EYA2: variants seen among roughly 807,000 people sequenced by gnomAD.
The protein encoded by EYA2 is protein phosphatase EYA2.
In EYA2, 31 loss-of-function variants were observed where a neutral mutation model predicts 69.2. That is an observed-to-expected ratio of 0.45 (90% CI 0.34 to 0.60). EYA2 has a LOEUF of 0.60. Ranked by LOEUF, EYA2 falls within the 20% of genes least tolerant of loss-of-function variation. EYA2 has a pLI of 0.02. For missense variants in EYA2, 622 were observed against 701.2 expected, an observed-to-expected ratio of 0.89 and a Z score of 1.28; for synonymous variants, 257 against 279.4, an observed-to-expected ratio of 0.92 and a Z score of 0.80.
intron 1 of EYA2, among the ~76,000 whole-genome samples, chr20:46,953,377 A>C (rs766837918): frequency 1.1e-4 from 17 of 152,188 alleles, no homozygotes; most frequent in Non-Finnish European, 2.2e-4. Context: ...GTTAGAACAA[A>C]ATCTTGGGGA....
chr20:46,920,253 T>C (rs777784250), intron 1 of EYA2, among the ~76,000 whole-genome samples: 60 of 151,112 alleles, frequency 4.0e-4, no homozygotes, highest in Non-Finnish European at 7.7e-4. Flanking sequence ...AAACAGTATC[T>C]GCAAAGTACA....
chr20:47,049,506 C>G (rs961313064), intron 5 of EYA2, among the ~76,000 whole-genome samples: 1 of 152,154 alleles, frequency 6.6e-6, no homozygotes, highest in Non-Finnish European at 1.5e-5. Context: ...AATGAGTTCT[C>G]TCTGTTAATT....
At chr20:46,917,424 C>T (rs187428648) in intron 1 of EYA2, among the ~76,000 whole-genome samples, 5 of 152,320 alleles carry the variant, frequency 3.3e-5, no homozygotes, top group East Asian at 1.9e-4. Flanking sequence ...AAGATTTGAA[C>T]GCATGACTCT....
At chr20:47,035,980 C>T (rs1351692124) in intron 5 of EYA2, among the ~76,000 whole-genome samples, 4 of 152,134 alleles carry the variant, frequency 2.6e-5, no homozygotes, top group Non-Finnish European at 4.4e-5. Context: ...CACTGCACTC[C>T]AGCCTGGGTG....
At chr20:47,110,321 A>C (rs1474552508) in intron 9 of EYA2, among the ~76,000 whole-genome samples, 1 of 152,154 alleles carries the variant, frequency 6.6e-6, no homozygotes, top group Non-Finnish European at 1.5e-5. Context: ...GGCTCACTGC[A>C]GCCTCAACTT....
intron 2 of EYA2, among the ~76,000 whole-genome samples, chr20:46,995,025 G>A (rs1306153367): frequency 2.0e-5 from 3 of 151,728 alleles, no homozygotes; most frequent in Non-Finnish European, 4.4e-5. Context: ...CTCAGCCTCC[G>A]GAGTAGCTGG....
chr20:47,018,668 G>T (rs1272080450), intron 5 of EYA2, among the ~76,000 whole-genome samples: 1 of 152,190 alleles, frequency 6.6e-6, no homozygotes, highest in Admixed American at 6.5e-5. Context: ...CAGTGTTCAA[G>T]GACTCCAGAG....
intron 5 of EYA2, among the ~76,000 whole-genome samples, chr20:47,023,379 G>A (rs1439121459): frequency 6.6e-6 from 1 of 152,136 alleles, no homozygotes; most frequent in East Asian, 1.9e-4. Flanking sequence ...TACGTGCCTT[G>A]ATGTAGTTTT....
rs144069617 is a variant in EYA2 at position 46,970,063 on chromosome 20, A to G, written c.-10-19938A>G. Among the ~76,000 whole-genome samples the G allele has an allele frequency of 1.1e-3, 160 of 152,344 alleles. 1 individual carries two copies. The highest frequency in any genetic ancestry group is 3.7e-3 in the African/African-American group (153 of 41,572). ...GTCGGATCTTCTGACCTGAGGCATA[A>G]TATTAAAACATAGATCAACTCAAAG... On this transcript the variant is annotated intron_variant, in intron 1 of 15. Coordinates refer to ENST00000327619, the MANE Select transcript of EYA2 (RefSeq NM_005244.5).
At chr20:47,156,033 CATACACACACACACACACATATAT>C (rs1568813751) in intron 10 of EYA2, among the ~76,000 whole-genome samples, 1 of 111,124 alleles carries the variant, frequency 9.0e-6, no homozygotes, top group Non-Finnish European at 1.7e-5. Flanking sequence ...TATATATATA[CATACACACACACACACACATATAT>C]ATACATACAC....
intron 8 of EYA2, among the ~76,000 whole-genome samples, chr20:47,090,229 CTT>C (rs60732138): frequency 8.0e-4 from 98 of 122,014 alleles, no homozygotes; most frequent in African/African-American, 2.6e-3. Flanking sequence ...ATGCTCCAAT[CTT>C]TTTTTTTTTT....
intron 2 of EYA2, among the ~76,000 whole-genome samples, chr20:46,992,379 G>C (rs971070633): frequency 8.5e-5 from 13 of 152,158 alleles, no homozygotes; most frequent in African/African-American, 3.1e-4. Flanking sequence ...TCTGACTTCA[G>C]AGTTTATTCT....
In EYA2 at chr20:47,156,947, A is replaced by C. The variant is rs2146625097; in HGVS notation, c.979-12192A>C. ...GCAGCCAAAGACAAAAAGTAATGGA[A>C]TCAAACCACAGCAGGAGAGTTTGAG... is the stretch of plus-strand genomic sequence containing the variant. On this transcript the variant is annotated intron_variant, in intron 10 of 15. Transcript: ENST00000327619. Among the ~76,000 whole-genome samples, 4 of 152,090 alleles carry C rather than the reference A, an allele frequency of 2.6e-5. No homozygotes were observed. The South Asian group carries it at 8.4e-4, about 32-fold the overall frequency.
At chr20:46,921,951 A>G (rs1391625967) in intron 1 of EYA2, among the ~76,000 whole-genome samples, 1 of 152,228 alleles carries the variant, frequency 6.6e-6, no homozygotes, top group Non-Finnish European at 1.5e-5. Flanking sequence ...TGATCACAGT[A>G]AAACTCCCTT....
chr20:47,102,839 A>C (rs1292046091), intron 9 of EYA2, among the ~76,000 whole-genome samples: 1 of 152,100 alleles, frequency 6.6e-6, no homozygotes, highest in Non-Finnish European at 1.5e-5. Flanking sequence ...CCTCTTTCCT[A>C]ACCCCTCCCT....
chr20:47,174,280 C>T (rs537133541), intron 12 of EYA2, among the ~76,000 whole-genome samples: 1 of 152,358 alleles, frequency 6.6e-6, no homozygotes, highest in South Asian at 2.1e-4. Context: ...CTTCCAGTCG[C>T]AGCTCTACAA....
chr20:47,013,388 T>G (rs1245241461), intron 4 of EYA2, among the ~76,000 whole-genome samples: 1 of 152,232 alleles, frequency 6.6e-6, no homozygotes, highest in East Asian at 1.9e-4. Context: ...GCAAAGGCTT[T>G]GAGTCCAAAG....
intron 5 of EYA2, among the ~76,000 whole-genome samples, chr20:47,018,234 G>A (rs552000083): frequency 2.0e-5 from 3 of 152,260 alleles, no homozygotes; most frequent in African/African-American, 2.4e-5. Flanking sequence ...CCCGGTCCCC[G>A]TATCCCATTT....
At chr20:46,927,156 G>C (rs747315953) in intron 1 of EYA2, among the ~76,000 whole-genome samples, 1 of 152,198 alleles carries the variant, frequency 6.6e-6, no homozygotes, top group Non-Finnish European at 1.5e-5. Context: ...ACATAGGAAG[G>C]TCTGAAATTC....
Sources: gnomAD v4.1 joint callset for allele counts (sites outside exome capture counted in the v4.1 genomes callset) on GRCh38, gnomAD v4.1.1 for gene constraint, MANE v1.5 for transcripts, NCBI Gene and HGNC (gene_info 2026-07-23, HGNC 2026-07-21) for gene names.